Variants in KLHL17 observed in about 807,000 individuals in gnomAD.
KLHL17 encodes the protein kelch-like protein 17.
In KLHL17, 71 loss-of-function variants were observed where a neutral mutation model predicts 64.6. The ratio of observed to expected loss-of-function variants is 1.10; its 90% CI spans 0.91 to 1.34. The LOEUF is 1.34. Ranked by LOEUF, KLHL17 falls within the 40% of genes most tolerant of loss-of-function variation. The pLI is 0.00. For synonymous variants in KLHL17, 612 were observed against 405.4 expected, an observed-to-expected ratio of 1.51 and a Z score of -6.12; for missense variants, 1,140 against 935.0, an observed-to-expected ratio of 1.22 and a Z score of -2.86.
Position 964,507 on chromosome 1 carries a change from C to T in KLHL17, c.1677C>T (p.Ser559=), listed in dbSNP as rs1369972548. 3.3e-6 allele frequency: 5 copies of T among 1,515,434 alleles called. No individual in the cohort carries two copies. In the East Asian group the frequency reaches 7.4e-5, roughly 22 times the overall value. The allele number at this position is 1,515,434 out of a possible 1,614,324, so 93.9% of individuals were successfully genotyped here. A position where few individuals can be genotyped will look rare whatever the true frequency, so the allele number is the denominator to read the frequency against. ...RYSPKAGAWE[S]VAPMNIRRST... ...GTCCAAAGGCTGGAGCCTGGGAAAG[C>T]GTGGCGCCCATGAATATCCGCAGGT... Residue 559 remains serine (S), a synonymous_variant, in exon 11 of 12, where the codon AGC becomes AGT. Coordinates refer to ENST00000338591, the MANE Select transcript of KLHL17 (RefSeq NM_198317.3).
chr1:964,872 G>A (rs114635344), intron 11 of KLHL17, 91 bp from the exon 12 acceptor site: 12,949 of 1,012,952 alleles, frequency 0.013, 1,252 homozygotes, highest in Non-Finnish European at 0.015. Context: ...CAACCTCAGC[G>A]AGCATGTCCC....
At chr1:963,709 TC>T in intron 8 of KLHL17, 1 of 816,824 alleles carries the variant, frequency 1.2e-6, no homozygotes, top group Non-Finnish European at 1.9e-6. Context: ...TTACCCCCAG[TC>T]CAGAGGCTGG....
Position 960,684 on chromosome 1 carries a change from C to T in KLHL17, c.-10C>T, listed in dbSNP as rs113034360. 8 of 1,370,568 alleles carry T rather than the reference C, an allele frequency of 5.8e-6. No individual in the cohort carries two copies. The highest frequency in any genetic ancestry group is 5.7e-5 in the South Asian group (4 of 69,808). 84.9% of individuals were successfully genotyped at this position (1,370,568 alleles called of 1,614,324 possible). A position where few individuals can be genotyped will look rare whatever the true frequency, so the allele number is the denominator to read the frequency against. On this transcript the variant is annotated 5_prime_UTR_variant, in exon 1 of 12. Coordinates refer to ENST00000338591, the MANE Select transcript of KLHL17 (RefSeq NM_198317.3). The stretch of plus-strand genomic sequence containing the variant: ...GTCCTCCGCGAATCGGCGGTGGGTC[C>T]GGCAGCCGAATGCAGCCCCGCAGCG...
In KLHL17 at chr1:961,323, G is replaced by T. The variant is rs1285004848; in HGVS notation, c.138G>T (p.Gln46His). 1 of 1,540,230 alleles carries T rather than the reference G, an allele frequency of 6.5e-7. No individual in the cohort carries two copies. The highest frequency in any genetic ancestry group is 8.7e-7 in the Non-Finnish European group (1 of 1,148,558). Residue 46 changes from glutamine to histidine, a missense_variant, in exon 2 of 12, where the codon CAG becomes CAT. By Grantham distance (24) the Gln-to-His change is conservative. Transcript: ENST00000338591. ...AGGCAGAGCGCACGCGGCCCCGGCA[G>T]GCTCGGCCCGCAGCCCCCATGGAGG... is the stretch of plus-strand genomic sequence containing the variant. ...APEAERTRPR[Q>H]ARPAAPMEGA...
rs751498199 is a variant in KLHL17, at chr1:964,062, C to G, written c.1445-45C>G. On this transcript the variant is annotated intron_variant, in intron 9 of 11. Transcript: ENST00000338591. ...TCCCCACCTTCCCCCACCGTGGAGA[C>G]CCCACTCCCAGCAGGAGTGCCACGG... The G allele has an allele frequency of 3.7e-6, 6 of 1,612,102 alleles. No homozygotes were observed. The African/African-American group carries it at 5.3e-5, about 14-fold the overall frequency.
rs774181343 is a variant in KLHL17, at chr1:962,947, C to T, written c.1042+30C>T. On this transcript the variant is annotated intron_variant, in intron 6 of 11. Transcript: ENST00000338591. ...GGCCCCCCGCCCGTTTCCCTCTTGC[C>T]CTGTGCCTTCTACTCCCCACCAGCA... 7.9e-6 allele frequency: 12 copies of T among 1,528,142 alleles called. No homozygotes were observed. In the African/African-American group the frequency reaches 9.5e-5, roughly 12 times the overall value. The allele number at this position is 1,528,142 out of a possible 1,614,324, so 94.7% of individuals were successfully genotyped here.
In KLHL17 at chr1:962,554, C is replaced by G; in HGVS notation, c.828+83C>G. ...GGGCCTGGTGCACCCTGACCTTCCC[C>G]GAGTTCAGGGACTCCGTGGGGGTGG... On this transcript the variant is annotated intron_variant, in intron 5 of 11. Transcript: ENST00000338591. 1.7e-5 allele frequency: 27 copies of G among 1,562,658 alleles called. No individual in the cohort carries two copies. In the South Asian group the frequency reaches 3.1e-4, roughly 18 times the overall value.
rs549386215 is a variant in KLHL17 at position 962,256 on chromosome 1, C to T, written c.712-99C>T. ...CTCGGCCCCTCCCAGTATGAACACT[C>T]AGCCCCCACCTGCTAACCCTCCCTC... On this transcript the variant is annotated intron_variant, in intron 4 of 11. Transcript: ENST00000338591. 1.1e-5 allele frequency: 17 copies of T among 1,582,534 alleles called. No individual in the cohort carries two copies. The Admixed American group carries it at 1.4e-4, about 13-fold the overall frequency.
chr1:961,442 G>C lies in KLHL17; in HGVS notation c.257G>C (p.Arg86Pro). Residue 86 changes from arginine (R) to proline (P), a missense_variant, in exon 2 of 12, where the codon CGC becomes CCC. Physicochemically the swap from Arg to Pro is moderately radical, Grantham distance 103. Transcript: ENST00000338591. Reference protein sequence around the residue: ...HDAFVAMSRMRQRGLLCDIVL... With the variant: ...HDAFVAMSRMPQRGLLCDIVL... ...GCCTTCGTGGCCATGAGCCGCATGC[G>C]CCAGCGCGGCCTCCTGTGCGACATC... 6.2e-7 allele frequency: 1 copy of C among 1,612,174 alleles called. No individual in the cohort carries two copies. The highest frequency in any genetic ancestry group is 8.5e-7 in the Non-Finnish European group (1 of 1,179,776).
rs115528693 is a variant in KLHL17 at position 962,346 on chromosome 1, C to T, written c.712-9C>T. 8.7e-4 allele frequency: 1,406 copies of T among 1,612,456 alleles called. 14 individuals carry two copies. In the African/African-American group the frequency reaches 0.016, roughly 19 times the overall value. On this transcript the variant is annotated splice_polypyrimidine_tract_variant and intron_variant, in intron 4 of 11. Coordinates refer to ENST00000338591, the MANE Select transcript of KLHL17 (RefSeq NM_198317.3). ...CCCAGATCTCAGGTCTGAGGACCCC[C>T]ACTCCCAGGTTCTGGAACTGGTCTC...
In KLHL17 at chr1:961,426, G is replaced by A. The variant is rs868394317; in HGVS notation, c.241G>A (p.Ala81Thr). 3 of 1,611,724 alleles carry A rather than the reference G, an allele frequency of 1.9e-6. No individual in the cohort carries two copies. The highest frequency in any genetic ancestry group is 2.5e-6 in the Non-Finnish European group (3 of 1,179,690). ...SKRHYHDAFV[A>T]MSRMRQRGLL... ...GCGGCACTACCACGATGCCTTCGTG[G>A]CCATGAGCCGCATGCGCCAGCGCGG... The change falls in exon 2 of 12, where the codon GCC (alanine) becomes ACC (threonine). Residue 81 changes from alanine (A) to threonine (T), a missense_variant. Ala to Thr is a moderately conservative substitution (Grantham distance 58). Transcript: ENST00000338591.
chr1:961,835 C>T lies in KLHL17; in HGVS notation c.499C>T (p.Pro167Ser). Residue 167 changes from proline (P) to serine (S), a missense_variant, in exon 4 of 12, where the codon CCA becomes TCA. Transcript: ENST00000338591. ...VGEGNVQTLL[P>S]AASLLQLNGV... is the part of the protein sequence containing the mutation. ...TCTCGGTGCCCCGTAGACTCTGCTC[C>T]CAGCCGCCAGTCTCCTGCAGCTGAA... is the stretch of plus-strand genomic sequence containing the variant. 2 of 1,610,446 alleles carry T rather than the reference C, an allele frequency of 1.2e-6. No individual in the cohort carries two copies. Among genetic ancestry groups the T allele is most frequent in the Admixed American group, 1.7e-5 (1 of 60,024 alleles).
In KLHL17 at chr1:964,089, T is replaced by C. The variant is rs997779974; in HGVS notation, c.1445-18T>C. 52 of 1,612,518 alleles carry C rather than the reference T, an allele frequency of 3.2e-5. No homozygotes were observed. The highest frequency in any genetic ancestry group is 4.2e-5 in the Non-Finnish European group (50 of 1,179,832). On this transcript the variant is annotated intron_variant, in intron 9 of 11. Transcript: ENST00000338591. ...CCACTCCCAGCAGGAGTGCCACGGG[T>C]GTGTTGACTTCCGGCAGATGGGAAC...
intron 4 of KLHL17, 148 bp from the exon 5 acceptor site, chr1:962,207 C>A (rs775195679): frequency 7.3e-7 from 1 of 1,371,930 alleles, no homozygotes; most frequent in Non-Finnish European, 1.0e-6. Context: ...CCCCCAGGAG[C>A]CTCGTCTGTG....
In KLHL17 at chr1:961,863, G is replaced by T. The variant is rs769837786; in HGVS notation, c.527G>T (p.Gly176Val). 1.2e-6 allele frequency: 2 copies of T among 1,611,674 alleles called. No homozygotes were observed. The highest frequency in any genetic ancestry group is 1.7e-6 in the Non-Finnish European group (2 of 1,179,998). ...GCCGCCAGTCTCCTGCAGCTGAATGGCGTCCGAGACGCTTGCTGCAAGTTT... is the reference window on the plus strand; with the variant it reads ...GCCGCCAGTCTCCTGCAGCTGAATGTCGTCCGAGACGCTTGCTGCAAGTTT... ...LPAASLLQLN[G>V]VRDACCKFLL... is the part of the protein sequence containing the mutation. Residue 176 changes from glycine to valine, a missense_variant, in exon 4 of 12, where the codon GGC becomes GTC. Coordinates refer to ENST00000338591, the MANE Select transcript of KLHL17 (RefSeq NM_198317.3).
intron 10 of KLHL17, 77 bp downstream of exon 10, chr1:964,257 C>G: frequency 6.3e-7 from 1 of 1,597,056 alleles, no homozygotes; most frequent in Non-Finnish European, 8.6e-7. Context: ...CCACATCCCC[C>G]CCATTCCTGA....
chr1:961,126 C>T (rs1250776869), intron 1 of KLHL17, among the ~76,000 whole-genome samples, 167 bp from the exon 2 acceptor site: 1 of 151,222 alleles, frequency 6.6e-6, no homozygotes, highest in Non-Finnish European at 1.5e-5. Flanking sequence ...GAGGCCTGGA[C>T]ACGGCGCGCT....
Position 962,515 on chromosome 1 carries a change from A to C in KLHL17, c.828+44A>C, listed in dbSNP as rs773878624. 2.4e-5 allele frequency: 38 copies of C among 1,603,700 alleles called. 1 individual carries two copies. Among genetic ancestry groups the C allele is most frequent in the Admixed American group, 1.9e-4 (11 of 59,218 alleles). On this transcript the variant is annotated intron_variant, in intron 5 of 11. Coordinates refer to ENST00000338591, the MANE Select transcript of KLHL17 (RefSeq NM_198317.3). ...GGGCTCCCACAGCATCCAGGAGGGC[A>C]TGCAGGTGGCTGAGGGCCTGGTGCA... is the stretch of plus-strand genomic sequence containing the variant.
chr1:964,953 T>A lies in KLHL17; in HGVS notation c.1701-10T>A. On this transcript the variant is annotated splice_polypyrimidine_tract_variant and intron_variant, in intron 11 of 11. Transcript: ENST00000338591. The stretch of plus-strand genomic sequence containing the variant: ...CCTGCAGCCAGGGGCTCACCCCGCC[T>A]TCCCCCCAGGAGCACGCATGACCTG... The A allele has an allele frequency of 1.3e-6, 2 of 1,585,854 alleles. No individual in the cohort carries two copies. The highest frequency in any genetic ancestry group is 1.7e-6 in the Non-Finnish European group (2 of 1,161,260).
Sources: allele counts gnomAD v4.1 joint callset (sites outside exome capture counted in the v4.1 genomes callset), GRCh38; gene constraint gnomAD v4.1.1; transcripts MANE v1.5; gene names NCBI Gene and HGNC (gene_info 2026-07-23, HGNC 2026-07-21).